RELN: variants seen among roughly 807,000 people sequenced by gnomAD.
RELN encodes the protein reelin.
RELN carries 108 observed loss-of-function variants against 427.6 expected under a neutral mutation model. The observed-to-expected ratio is 0.25, with a 90% confidence interval of 0.22 to 0.30. RELN has a LOEUF of 0.30. RELN is among the 10% of genes least tolerant of loss of function. The probability of loss-of-function intolerance (pLI) is 1.00; values close to 1 mark genes in which losing one functional copy is unlikely to be tolerated. For missense variants in RELN, 3,715 were observed against 4,302.8 expected (o/e 0.86, Z 3.82); for synonymous variants, 1,524 against 1,513.4 (o/e 1.01, Z -0.16).
intron 3 of RELN, among the ~76,000 whole-genome samples, chr7:103,795,136 C>T (rs552407552): frequency 6.6e-6 from 1 of 152,268 alleles, no homozygotes; most frequent in African/African-American, 2.4e-5. Context: ...CTATTGAAGT[C>T]AATTTGTATG....
rs3842178 is a variant in RELN at position 103,594,011 on chromosome 7, AT to A, written c.3712-130del. 0.72 allele frequency: 519,289 copies of A among 718,280 alleles called. 189,389 individuals carry two copies. The highest frequency in any genetic ancestry group is 0.87 in the African/African-American group (48,715 of 56,166). The allele number at this position is 718,280 out of a possible 1,614,324, so 44.5% of individuals were successfully genotyped here. A position where few individuals can be genotyped will look rare whatever the true frequency, so the allele number is the denominator to read the frequency against. The stretch of plus-strand genomic sequence containing the variant: ...TCTAGGAAAACACAGAAGAATCTCT[AT>A]TTTTTTTTACTGCTATTAACTTTTT... On this transcript the variant is annotated intron_variant, in intron 26 of 64. Transcript: ENST00000428762.
At chr7:103,553,927 G>A (rs550880418) in intron 38 of RELN, 96 bp from the exon 39 acceptor site, 1 of 1,004,232 alleles carries the variant, frequency 1.0e-6, no homozygotes, top group Non-Finnish European at 1.6e-6. Context: ...AAGCAACTCA[G>A]TAACAATAGG....
intron 11 of RELN, among the ~76,000 whole-genome samples, chr7:103,662,235 CA>C (rs1377133252): frequency 1.3e-5 from 2 of 152,158 alleles, no homozygotes; most frequent in African/African-American, 2.4e-5. Context: ...AGGAAGAGGA[CA>C]GTATTCAAAG....
chr7:103,519,591 T>C (rs893602344), intron 48 of RELN, 75 bp from the exon 49 acceptor site: 31 of 1,227,024 alleles, frequency 2.5e-5, no homozygotes, highest in Non-Finnish European at 3.5e-5. Flanking sequence ...TATGGATTTT[T>C]TTTTTTTTTG....
chr7:103,614,377 C>A (rs985006357), intron 20 of RELN, among the ~76,000 whole-genome samples: 1 of 152,124 alleles, frequency 6.6e-6, no homozygotes, highest in Non-Finnish European at 1.5e-5. Context: ...GGGTTCTCAC[C>A]AATGAGATAT....
Position 103,825,000 on chromosome 7 carries a change from G to C in RELN, c.473+8537C>G, listed in dbSNP as rs190256860. On this transcript the variant is annotated intron_variant, in intron 3 of 64. Coordinates refer to ENST00000428762, the MANE Select transcript of RELN (RefSeq NM_005045.4). The surrounding 1 kb of genome is among the most constrained non-coding windows in gnomAD (Gnocchi z 4.4). ...CTTCAAATAATAGGTGGTTCTAGGA[G>C]AGTAAAGGAACTTAGTAGGCTGCCT... is the stretch of plus-strand genomic sequence containing the variant. Among the ~76,000 whole-genome samples the C allele has an allele frequency of 2.6e-5, 4 of 152,006 alleles. No individual in the cohort carries two copies. The highest frequency in any genetic ancestry group is 7.2e-5 in the African/African-American group (3 of 41,480).
At chr7:103,749,636 A>G (rs979296892) in intron 5 of RELN, 132 bp from the exon 6 acceptor site, 3 of 711,150 alleles carry the variant, frequency 4.2e-6, no homozygotes, top group Admixed American at 2.1e-5. Flanking sequence ...GCAGTTGATT[A>G]TATTTGCTTT....
At chr7:103,897,898 A>T in intron 2 of RELN, among the ~76,000 whole-genome samples, 1 of 152,124 alleles carries the variant, frequency 6.6e-6, no homozygotes, top group East Asian at 1.9e-4. Context: ...ATCAAGACCC[A>T]CATAAGTACT....
chr7:103,863,417 C>G (rs1367871511), intron 2 of RELN, among the ~76,000 whole-genome samples: 1 of 152,146 alleles, frequency 6.6e-6, no homozygotes, highest in Non-Finnish European at 1.5e-5. Context: ...TCCAAGGACA[C>G]AGAGGTCATT....
chr7:103,761,637 G>T (rs1023366221), intron 4 of RELN, among the ~76,000 whole-genome samples: 34 of 151,610 alleles, frequency 2.2e-4, no homozygotes, highest in African/African-American at 7.3e-4. Context: ...TTGGGGGGGG[G>T]TAGAGACAAG....
In RELN at chr7:103,764,882, T is replaced by C. The variant is rs563520655; in HGVS notation, c.545-11668A>G. On this transcript the variant is annotated intron_variant, in intron 4 of 64. Coordinates refer to ENST00000428762, the MANE Select transcript of RELN (RefSeq NM_005045.4). ...TGCAAAAAGAAGCCCAACCCTAGAA[T>C]GTGTGATGTGGGAAGAACAACTCAT... 2.8e-5 allele frequency among the ~76,000 whole-genome samples: 4 copies of C among 142,948 alleles called. No homozygotes were observed. In the South Asian group the frequency reaches 9.0e-4, roughly 32 times the overall value. 93.8% of individuals were successfully genotyped at this position (142,948 alleles called of 152,430 possible).
At chr7:103,548,684 T>C (rs1185609101) in intron 41 of RELN, among the ~76,000 whole-genome samples, 1 of 152,244 alleles carries the variant, frequency 6.6e-6, no homozygotes, top group Non-Finnish European at 1.5e-5. Flanking sequence ...CTGTACGCTA[T>C]TATTGTGTTT....
At chr7:103,572,778 T>C (rs1206430219) in intron 30 of RELN, among the ~76,000 whole-genome samples, 1 of 152,156 alleles carries the variant, frequency 6.6e-6, no homozygotes, top group African/African-American at 2.4e-5. Flanking sequence ...CAGTCTGTTA[T>C]AATTTAATGG....
chr7:103,494,541 ATTTTTTTTT>A (rs35989965), intron 57 of RELN, among the ~76,000 whole-genome samples: 8 of 126,198 alleles, frequency 6.3e-5, no homozygotes, highest in African/African-American at 1.7e-4. Context: ...CGCCCAGCTA[ATTTTTTTTT>A]TTTTTTTTTT....
intron 26 of RELN, 81 bp from the exon 27 acceptor site, chr7:103,593,963 C>T: frequency 9.4e-7 from 1 of 1,063,870 alleles, no homozygotes; most frequent in Non-Finnish European, 1.4e-6. Flanking sequence ...TCATGACATG[C>T]TGGGCCATGT....
chr7:103,553,624 C>T lies in RELN; in HGVS notation c.5969+36G>A, dbSNP rs769259853. 7 of 1,612,546 alleles carry T rather than the reference C, an allele frequency of 4.3e-6. No individual in the cohort carries two copies. In the Admixed American group the frequency reaches 1.2e-4, roughly 27 times the overall value. Reference sequence around the variant, plus strand: ...GCAAAAGTTCATCATGATTTGTATACAGCAGTGGTTTTATTTTTAGATTCT... The same window carrying T: ...GCAAAAGTTCATCATGATTTGTATATAGCAGTGGTTTTATTTTTAGATTCT... On this transcript the variant is annotated intron_variant, in intron 39 of 64. Coordinates refer to ENST00000428762, the MANE Select transcript of RELN (RefSeq NM_005045.4).
chr7:103,569,523 T>C lies in RELN; in HGVS notation c.4588+2661A>G, dbSNP rs149092132. Among the ~76,000 whole-genome samples, 1 of 152,376 alleles carries C rather than the reference T, an allele frequency of 6.6e-6. No homozygotes were observed. The highest frequency in any genetic ancestry group is 2.4e-5 in the African/African-American group (1 of 41,594). On this transcript the variant is annotated intron_variant, in intron 31 of 64. Coordinates refer to ENST00000428762, the MANE Select transcript of RELN (RefSeq NM_005045.4). The surrounding 1 kb of genome is among the most constrained non-coding windows in gnomAD (Gnocchi z 4.0). Reference sequence around the variant, plus strand: ...AATCCTACTAAATCTAAATTTGCATTTTAACAAGGCTCCCAAATGATTCAG... The same window carrying C: ...AATCCTACTAAATCTAAATTTGCATCTTAACAAGGCTCCCAAATGATTCAG...
rs1554394428 is a variant in RELN at position 103,630,847 on chromosome 7, T to TTTTTG, written c.2466-672_2466-671insCAAAA. 1.7e-3 allele frequency among the ~76,000 whole-genome samples: 121 copies of TTTTTG among 71,314 alleles called. 3 individuals are homozygous for TTTTTG. The highest frequency in any genetic ancestry group is 7.7e-3 in the African/African-American group (89 of 11,514). The allele number at this position is 71,314 out of a possible 152,430, so 46.8% of individuals were successfully genotyped here. A position where few individuals can be genotyped will look rare whatever the true frequency, so the allele number is the denominator to read the frequency against. ...ACACACTGAAAGGGCTGAGTTATTT[T>TTTTTG]TTTGTTTTTTTTGTTTTTTTTTTTT... On this transcript the variant is annotated intron_variant, in intron 19 of 64. Transcript: ENST00000428762.
At chr7:103,616,874 T>G (rs1467952693) in intron 20 of RELN, among the ~76,000 whole-genome samples, 2 of 152,336 alleles carry the variant, frequency 1.3e-5, no homozygotes, top group East Asian at 3.9e-4. Context: ...CATCCTTGTA[T>G]ATCTTTGTGC....
Sources: allele counts gnomAD v4.1 joint callset (sites outside exome capture counted in the v4.1 genomes callset), GRCh38; gene constraint gnomAD v4.1.1; non-coding constraint Gnocchi (gnomAD v3.1); transcripts MANE v1.5; gene names NCBI Gene and HGNC (gene_info 2026-07-23, HGNC 2026-07-21).